ADAMTSL1: variants seen among roughly 807,000 people sequenced by gnomAD.
ADAMTSL1 encodes ADAMTS-like protein 1.
In ADAMTSL1, 126 loss-of-function variants were observed where a neutral mutation model predicts 201.8. The observed-to-expected ratio is 0.62, with a 90% confidence interval of 0.54 to 0.72. The LOEUF (loss-of-function observed/expected upper bound fraction) is 0.72, where lower values mean the gene tolerates loss of function less well. Among genes scored for constraint, ADAMTSL1 ranks in the 30% least tolerant of loss-of-function variants. The pLI is 0.00. For missense variants in ADAMTSL1, 2,679 were observed against 2,277.8 expected (o/e 1.18, Z -3.59); for synonymous variants, 1,121 against 903.4 (o/e 1.24, Z -4.32).
chr9:18,221,614 A>G (rs193142049), intron 2 of ADAMTSL1, among the ~76,000 whole-genome samples: 1 of 152,120 alleles, frequency 6.6e-6, no homozygotes, highest in African/African-American at 2.4e-5. Flanking sequence ...GCATGTTTTG[A>G]TATGTAATTG....
At chr9:18,570,167 T>C (rs962215243) in intron 3 of ADAMTSL1, among the ~76,000 whole-genome samples, 4 of 151,020 alleles carry the variant, frequency 2.6e-5, no homozygotes, top group African/African-American at 9.8e-5. Context: ...CAGACCTGTC[T>C]GAGCAACTTC....
chr9:17,959,296 T>C (rs1817628597), intron 1 of ADAMTSL1, among the ~76,000 whole-genome samples: 1 of 152,172 alleles, frequency 6.6e-6, no homozygotes, highest in Non-Finnish European at 1.5e-5. Flanking sequence ...TCTCGTCTTC[T>C]TTTGCATTAG....
chr9:18,659,724 G>A (rs148104708), intron 8 of ADAMTSL1, among the ~76,000 whole-genome samples: 48 of 152,152 alleles, frequency 3.2e-4, no homozygotes, highest in African/African-American at 1.1e-3. Flanking sequence ...CCAAGATCAT[G>A]CCACTGTACT....
intron 2 of ADAMTSL1, among the ~76,000 whole-genome samples, chr9:18,427,547 A>T (rs573121796): frequency 1.4e-4 from 21 of 152,324 alleles, no homozygotes; most frequent in South Asian, 8.3e-4. Flanking sequence ...AGTTTTAATC[A>T]TTTTCTGCAA....
At chr9:18,737,319 C>CAAAAAAAAA (rs59511409) in intron 15 of ADAMTSL1, among the ~76,000 whole-genome samples, 18 of 53,666 alleles carry the variant, frequency 3.4e-4, no homozygotes, top group African/African-American at 4.6e-4. Context: ...AACTCTGTCT[C>CAAAAAAAAA]AAAAAAAAAA....
chr9:18,524,873 G>A (rs1818934952), intron 2 of ADAMTSL1, among the ~76,000 whole-genome samples: 1 of 152,180 alleles, frequency 6.6e-6, no homozygotes, highest in Non-Finnish European at 1.5e-5. Context: ...TTGAATCGAT[G>A]TTCATCAGGG....
rs1199864376 is a variant in ADAMTSL1, at chr9:17,959,225, A to T, written c.87+52303A>T. Among the ~76,000 whole-genome samples, 2 of 152,160 alleles carry T rather than the reference A, an allele frequency of 1.3e-5. 1 individual carries two copies. The highest frequency in any genetic ancestry group is 1.3e-4 in the Admixed American group (2 of 15,266). The stretch of plus-strand genomic sequence containing the variant: ...TGTGCCTAGAATTTGGCTGAACAGC[A>T]TTTAGATGTTATTTGATTAATGTCA... On this transcript the variant is annotated intron_variant, in intron 1 of 29. Coordinates refer to the ADAMTSL1 transcript ENST00000680146.
intron 3 of ADAMTSL1, among the ~76,000 whole-genome samples, chr9:18,568,301 C>G (rs186151293): frequency 6.6e-6 from 1 of 152,026 alleles, no homozygotes; most frequent in Non-Finnish European, 1.5e-5. Flanking sequence ...TACAGAAAGC[C>G]AAGTAACAAA....
intron 2 of ADAMTSL1, among the ~76,000 whole-genome samples, chr9:18,435,534 G>A (rs545234266): frequency 1.5e-4 from 23 of 152,312 alleles, no homozygotes; most frequent in Non-Finnish European, 2.6e-4. Flanking sequence ...GGCTCTGATC[G>A]ATTTGGTTAG....
chr9:18,672,494 TTA>T (rs1298956476), intron 9 of ADAMTSL1, among the ~76,000 whole-genome samples: 19 of 152,226 alleles, frequency 1.2e-4, no homozygotes, highest in African/African-American at 3.4e-4. Flanking sequence ...TGAGAGTTTT[TTA>T]TATGTGTGTG....
chr9:18,421,164 A>G (rs1376253935), intron 2 of ADAMTSL1, among the ~76,000 whole-genome samples: 1 of 152,178 alleles, frequency 6.6e-6, no homozygotes, highest in African/African-American at 2.4e-5. Flanking sequence ...TCCTGTTCCC[A>G]ACCAGCTTTC....
chr9:18,177,034 A>T (rs1013373872), intron 2 of ADAMTSL1, among the ~76,000 whole-genome samples: 1 of 152,190 alleles, frequency 6.6e-6, no homozygotes, highest in African/African-American at 2.4e-5. Flanking sequence ...ATTGCTTTGC[A>T]CCCTCAATTG....
chr9:18,145,728 T>G (rs1286332337), intron 1 of ADAMTSL1, among the ~76,000 whole-genome samples: 1 of 152,136 alleles, frequency 6.6e-6, no homozygotes, highest in Non-Finnish European at 1.5e-5. Flanking sequence ...AAAAGCATGA[T>G]CCATGAAAGA....
At chr9:18,819,473 A>C (rs894030506) in intron 21 of ADAMTSL1, among the ~76,000 whole-genome samples, 1 of 141,000 alleles carries the variant, frequency 7.1e-6, no homozygotes, top group Admixed American at 7.0e-5. Context: ...AAAAAAAAAT[A>C]GGGGAGGAAA....
chr9:18,563,462 G>T (rs943889981), intron 3 of ADAMTSL1, among the ~76,000 whole-genome samples: 1 of 152,206 alleles, frequency 6.6e-6, no homozygotes, highest in South Asian at 2.1e-4. Flanking sequence ...CTGCTGGAAG[G>T]TGTCTCTCAG....
At chr9:18,568,876 A>G (rs540523475) in intron 3 of ADAMTSL1, among the ~76,000 whole-genome samples, 148 of 152,264 alleles carry the variant, frequency 9.7e-4, no homozygotes, top group African/African-American at 3.4e-3. Flanking sequence ...AAACAACAAA[A>G]TTAATAGAAT....
At chr9:18,139,929 A>G (rs1044123789) in intron 1 of ADAMTSL1, among the ~76,000 whole-genome samples, 1 of 152,124 alleles carries the variant, frequency 6.6e-6, no homozygotes, top group Non-Finnish European at 1.5e-5. Flanking sequence ...GACTGATGAA[A>G]TTTTTAGGTT....
chr9:18,200,036 C>A (rs1228048131), intron 2 of ADAMTSL1, among the ~76,000 whole-genome samples: 1 of 151,948 alleles, frequency 6.6e-6, no homozygotes, highest in Non-Finnish European at 1.5e-5. Context: ...CTTAGCTAAA[C>A]TTCCCCAAAG....
At chr9:17,908,773 A>T (rs1469539529) in intron 1 of ADAMTSL1, among the ~76,000 whole-genome samples, 1 of 152,138 alleles carries the variant, frequency 6.6e-6, no homozygotes, top group Admixed American at 6.5e-5. Context: ...GACTTGTTTT[A>T]TAGAATCATG....
Sources: gnomAD v4.1 joint callset for allele counts (sites outside exome capture counted in the v4.1 genomes callset) on GRCh38, gnomAD v4.1.1 for gene constraint, MANE v1.5 for transcripts, NCBI Gene and HGNC (gene_info 2026-07-23, HGNC 2026-07-21) for gene names.